Variants in CLEC16A observed in about 807,000 individuals in gnomAD.
The protein encoded by CLEC16A is C-type lectin domain containing 16A, also known as protein CLEC16A.
A neutral mutation model predicts 109.5 loss-of-function variants in CLEC16A; 51 were observed. The observed-to-expected ratio is 0.47, with a 90% CI of 0.37 to 0.59. The LOEUF (loss-of-function observed/expected upper bound fraction) is 0.59. Among genes scored for constraint, CLEC16A ranks in the 20% least tolerant of loss-of-function variants. The pLI is 0.00. For synonymous variants in CLEC16A, 673 were observed against 564.2 expected, an observed-to-expected ratio of 1.19 and a Z score of -2.73; for missense variants, 1,339 against 1,394.0, an observed-to-expected ratio of 0.96 and a Z score of 0.63.
intron 3 of CLEC16A, among the ~76,000 whole-genome samples, chr16:10,967,558 G>A (rs748537174): frequency 1.3e-5 from 2 of 152,062 alleles, no homozygotes; most frequent in African/African-American, 2.4e-5. Flanking sequence ...TTGAATCTCC[G>A]AATAATAGTA....
chr16:11,171,257 G>C (rs1412388342), intron 23 of CLEC16A, among the ~76,000 whole-genome samples: 2 of 152,166 alleles, frequency 1.3e-5, no homozygotes, highest in Non-Finnish European at 2.9e-5. Flanking sequence ...TGACTCCCTG[G>C]TCACCCAGAG....
chr16:11,138,000 G>T (rs2867880), intron 22 of CLEC16A, among the ~76,000 whole-genome samples: 1 of 152,006 alleles, frequency 6.6e-6, no homozygotes, highest in East Asian at 1.9e-4. Context: ...TCATGCTGCT[G>T]ATGGCCTCTT....
At chr16:11,092,577 T>A (rs1030105614) in intron 19 of CLEC16A, among the ~76,000 whole-genome samples, 3 of 152,138 alleles carry the variant, frequency 2.0e-5, no homozygotes, top group African/African-American at 7.2e-5. Context: ...CTTAAACCAA[T>A]CCCTGGCTTG....
Position 10,944,804 on chromosome 16 carries a change from G to T in CLEC16A, c.80+7G>T. On this transcript the variant is annotated splice_region_variant and intron_variant, in intron 1 of 23. Coordinates refer to ENST00000409790, the MANE Select transcript of CLEC16A (RefSeq NM_015226.3). ...ACTCCTTGGACCACCTCAAGTGAGTGTGGGGGGCGTAGCGGGAGGCCTCGG... is the reference window on the plus strand; with the variant it reads ...ACTCCTTGGACCACCTCAAGTGAGTTTGGGGGGCGTAGCGGGAGGCCTCGG... The T allele has an allele frequency of 1.2e-6, 2 of 1,601,966 alleles. No individual in the cohort carries two copies. The highest frequency in any genetic ancestry group is 1.7e-6 in the Non-Finnish European group (2 of 1,174,118).
rs183571243 is a variant in CLEC16A at position 11,016,559 on chromosome 16, C to A, written c.1304-3634C>A. Among the ~76,000 whole-genome samples, 588 of 152,196 alleles carry A rather than the reference C, an allele frequency of 3.9e-3. 2 individuals carry two copies. Among genetic ancestry groups the A allele is most frequent in the Non-Finnish European group, 6.4e-3 (437 of 68,008 alleles). On this transcript the variant is annotated intron_variant, in intron 11 of 23. Coordinates refer to ENST00000409790, the MANE Select transcript of CLEC16A (RefSeq NM_015226.3). ...CCATGTTGGCCAGGCTGATCTCAAA[C>A]TCTTGACCTCAAGGGATCCTCTTGC...
chr16:11,048,857 G>A (rs1687221989), intron 17 of CLEC16A, among the ~76,000 whole-genome samples: 1 of 151,474 alleles, frequency 6.6e-6, no homozygotes, highest in South Asian at 2.1e-4. Context: ...CCCCTGCAAT[G>A]TCATTTCCTA....
At chr16:10,983,337 A>G (rs770296212) in intron 10 of CLEC16A, among the ~76,000 whole-genome samples, 1 of 152,226 alleles carries the variant, frequency 6.6e-6, no homozygotes, top group Non-Finnish European at 1.5e-5. Context: ...ACATCCATGA[A>G]TGACTCAGGC....
intron 10 of CLEC16A, among the ~76,000 whole-genome samples, chr16:10,991,363 G>C (rs116133238): frequency 6.8e-6 from 1 of 147,608 alleles, no homozygotes; most frequent in African/African-American, 2.5e-5. Flanking sequence ...GGCGGAGCTT[G>C]CAGTGAGCCG....
At chr16:10,983,019 T>G in intron 10 of CLEC16A, 28 bp downstream of exon 10, 1 of 1,249,416 alleles carries the variant, frequency 8.0e-7, no homozygotes, top group Non-Finnish European at 1.2e-6. Flanking sequence ...GGACTGACCT[T>G]AACAGGAAAC....
At chr16:10,999,553 C>T (rs2044538397) in intron 10 of CLEC16A, among the ~76,000 whole-genome samples, 2 of 152,128 alleles carry the variant, frequency 1.3e-5, no homozygotes. Flanking sequence ...ACCCTTTGGA[C>T]AAACAGATCA....
At chr16:11,014,665 A>C (rs77912849) in intron 11 of CLEC16A, among the ~76,000 whole-genome samples, 239 of 152,358 alleles carry the variant, frequency 1.6e-3, no homozygotes, top group Non-Finnish European at 2.5e-3. Context: ...ACTGAGGTTC[A>C]GTCAGAGCCC....
intron 8 of CLEC16A, among the ~76,000 whole-genome samples, chr16:10,978,033 G>A (rs1381156880): frequency 6.6e-6 from 1 of 152,182 alleles, no homozygotes; most frequent in Non-Finnish European, 1.5e-5. Context: ...AACTTTTCCT[G>A]GTAGTTGCCA....
intron 19 of CLEC16A, among the ~76,000 whole-genome samples, chr16:11,118,228 A>G (rs1167763107): frequency 6.6e-6 from 1 of 152,184 alleles, no homozygotes. Flanking sequence ...TGTTGGGATT[A>G]CAGGCACAAA....
intron 22 of CLEC16A, among the ~76,000 whole-genome samples, chr16:11,134,887 C>T (rs542728733): frequency 5.5e-4 from 84 of 152,362 alleles, no homozygotes; most frequent in African/African-American, 1.9e-3. Context: ...CCCTACTCCC[C>T]TCTTCCGTCA....
At chr16:11,032,312 C>T (rs2046788387) in intron 13 of CLEC16A, among the ~76,000 whole-genome samples, 1 of 152,156 alleles carries the variant, frequency 6.6e-6, no homozygotes, top group Non-Finnish European at 1.5e-5. Context: ...GAACTGTGTT[C>T]CTATGAGCCG....
chr16:11,024,022 C>T (rs1236058287), intron 12 of CLEC16A: 1 of 152,192 alleles, frequency 6.6e-6, no homozygotes, highest in African/African-American at 2.4e-5. Context: ...CAGATCTCAC[C>T]CACAAAGCAT....
At chr16:11,004,022 A>C (rs1204111623) in intron 11 of CLEC16A, among the ~76,000 whole-genome samples, 1 of 152,158 alleles carries the variant, frequency 6.6e-6, no homozygotes, top group Admixed American at 6.5e-5. Context: ...TGAAAAATCA[A>C]ATATAATTCT....
intron 22 of CLEC16A, among the ~76,000 whole-genome samples, chr16:11,165,265 A>G (rs1202943858): frequency 6.6e-6 from 1 of 151,970 alleles, no homozygotes; most frequent in Non-Finnish European, 1.5e-5. Flanking sequence ...CTGAAGCAGG[A>G]GGATCACTTG....
At chr16:11,004,179 C>T (rs898355282) in intron 11 of CLEC16A, among the ~76,000 whole-genome samples, 7 of 152,266 alleles carry the variant, frequency 4.6e-5, no homozygotes, top group South Asian at 2.1e-4. Flanking sequence ...ACCTCCCTCT[C>T]GTTGAGATGC....
Sources: allele counts gnomAD v4.1 joint callset (sites outside exome capture counted in the v4.1 genomes callset), GRCh38; gene constraint gnomAD v4.1.1; transcripts MANE v1.5; gene names NCBI Gene and HGNC (gene_info 2026-07-23, HGNC 2026-07-21).